DPP10: variants seen among roughly 807,000 people sequenced by gnomAD.
DPP10 encodes the protein inactive dipeptidyl peptidase 10.
A neutral mutation model predicts 120.9 loss-of-function variants in DPP10; 33 were observed. The ratio of observed to expected loss-of-function variants is 0.27; its 90% CI spans 0.21 to 0.37. The LOEUF is 0.37. Among genes scored for constraint, DPP10 ranks in the 10% least tolerant of loss-of-function variants. The pLI is 1.00. For missense variants in DPP10, 816 were observed against 942.8 expected (o/e 0.87, Z 1.76); for synonymous variants, 337 against 326.1 (o/e 1.03, Z -0.36).
chr2:114,575,899 C>G (rs1164299349), intron 1 of DPP10, among the ~76,000 whole-genome samples: 1 of 152,112 alleles, frequency 6.6e-6, no homozygotes, highest in Non-Finnish European at 1.5e-5. Context: ...ATTCTGCCTC[C>G]AGACAATAAA....
chr2:115,656,133 A>AACACACACACACACAC (rs146572509), intron 5 of DPP10, among the ~76,000 whole-genome samples: 5 of 143,322 alleles, frequency 3.5e-5, no homozygotes, highest in African/African-American at 1.3e-4. Flanking sequence ...GTTCTTACCA[A>AACACACACACACACAC]ACACACACAC....
chr2:115,430,404 C>T (rs1479471554), intron 3 of DPP10, among the ~76,000 whole-genome samples: 1 of 151,934 alleles, frequency 6.6e-6, no homozygotes, highest in Non-Finnish European at 1.5e-5. Context: ...AACATAAAAA[C>T]AAGTTTATCT....
chr2:115,639,425 C>T (rs1235618461), intron 5 of DPP10, among the ~76,000 whole-genome samples: 1 of 152,082 alleles, frequency 6.6e-6, no homozygotes, highest in African/African-American at 2.4e-5. Flanking sequence ...AAGCAGTCTG[C>T]AAACTAGGAA....
intron 3 of DPP10, among the ~76,000 whole-genome samples, chr2:115,419,315 G>A (rs1432441170): frequency 6.6e-6 from 1 of 152,250 alleles, no homozygotes; most frequent in East Asian, 1.9e-4. Flanking sequence ...TCCGCAGACT[G>A]TACAAGAAGC....
At chr2:115,006,970 A>T (rs544685210) in intron 1 of DPP10, among the ~76,000 whole-genome samples, 3 of 152,260 alleles carry the variant, frequency 2.0e-5, no homozygotes, top group Admixed American at 2.0e-4. Flanking sequence ...ACTTGGAAGT[A>T]AAGCTCTCCT....
At chr2:114,952,526 G>C (rs1400087484) in intron 1 of DPP10, among the ~76,000 whole-genome samples, 1 of 152,062 alleles carries the variant, frequency 6.6e-6, no homozygotes, top group Non-Finnish European at 1.5e-5. Context: ...TAACTTCTCT[G>C]GTCTTTTCTA....
intron 1 of DPP10, among the ~76,000 whole-genome samples, chr2:115,080,439 C>T (rs1010681038): frequency 3.3e-5 from 5 of 152,174 alleles, no homozygotes; most frequent in Admixed American, 6.5e-5. Flanking sequence ...TGGAAGTTAA[C>T]TCAAGTTAGA....
At chr2:115,314,774 C>T (rs969403944) in intron 2 of DPP10, among the ~76,000 whole-genome samples, 1 of 152,090 alleles carries the variant, frequency 6.6e-6, no homozygotes, top group Non-Finnish European at 1.5e-5. Flanking sequence ...ATCCATGAAG[C>T]TATGCTCAAT....
chr2:115,335,502 G>A (rs2063071245), intron 2 of DPP10, among the ~76,000 whole-genome samples: 1 of 151,740 alleles, frequency 6.6e-6, no homozygotes, highest in African/African-American at 2.4e-5. Flanking sequence ...GCTGCCTAAA[G>A]TTTCAGCATC....
intron 1 of DPP10, among the ~76,000 whole-genome samples, chr2:115,106,847 G>A (rs566527334): frequency 1.1e-4 from 16 of 152,144 alleles, no homozygotes; most frequent in South Asian, 8.3e-4. Context: ...AGGCCGAGGC[G>A]GGTGGATCAT....
At chr2:115,128,160 T>C (rs914220485) in intron 1 of DPP10, among the ~76,000 whole-genome samples, 1 of 152,202 alleles carries the variant, frequency 6.6e-6, no homozygotes, top group African/African-American at 2.4e-5. Context: ...CCCAAATTGA[T>C]TTTTACTCAA....
At chr2:114,518,347 G>C (rs1684778194) in intron 1 of DPP10, among the ~76,000 whole-genome samples, 1 of 152,054 alleles carries the variant, frequency 6.6e-6, no homozygotes, top group Admixed American at 6.6e-5. Flanking sequence ...CAACGTGCTA[G>C]GATTACAGGC....
chr2:115,576,823 C>T (rs1268348841), intron 5 of DPP10, among the ~76,000 whole-genome samples: 4 of 152,190 alleles, frequency 2.6e-5, no homozygotes, highest in Admixed American at 2.6e-4. Flanking sequence ...CAACAGTGGG[C>T]AGTACATAAT....
chr2:115,161,791 C>A, intron 1 of DPP10: 1 of 637,556 alleles, frequency 1.6e-6, no homozygotes, highest in Non-Finnish European at 2.3e-6. Flanking sequence ...GGGGAGCCCG[C>A]CCGGTGCCGC....
At chr2:115,245,814 A>G (rs1272550122) in intron 1 of DPP10, among the ~76,000 whole-genome samples, 4 of 152,180 alleles carry the variant, frequency 2.6e-5, no homozygotes, top group African/African-American at 4.8e-5. Context: ...AATAAAATTA[A>G]TGATTAATGA....
chr2:115,098,113 A>G (rs1348135336), intron 1 of DPP10, among the ~76,000 whole-genome samples: 1 of 152,142 alleles, frequency 6.6e-6, no homozygotes, highest in East Asian at 1.9e-4. Flanking sequence ...ATGTCCCCAT[A>G]TCAGTCAGCC....
At chr2:115,197,344 A>C (rs986550923) in intron 1 of DPP10, among the ~76,000 whole-genome samples, 1 of 151,642 alleles carries the variant, frequency 6.6e-6, no homozygotes, top group Admixed American at 6.6e-5. Flanking sequence ...GTGAGCCGAG[A>C]TCATGCCACT....
At chr2:114,477,921 A>ACATATGTACATATGTG (rs1680632598) in intron 1 of DPP10, among the ~76,000 whole-genome samples, 3 of 139,020 alleles carry the variant, frequency 2.2e-5, no homozygotes, top group African/African-American at 7.5e-5. Flanking sequence ...ATATATGTGT[A>ACATATGTACATATGTG]TATATGTACA....
intron 21 of DPP10, 133 bp from the exon 22 acceptor site, chr2:115,836,024 G>A (rs1446761584): frequency 9.4e-6 from 4 of 426,230 alleles, no homozygotes; most frequent in African/African-American, 4.1e-5. Context: ...CTGATATGAT[G>A]TACAGTACCA....
Sources: gnomAD v4.1 joint callset for allele counts (sites outside exome capture counted in the v4.1 genomes callset) on GRCh38, gnomAD v4.1.1 for gene constraint, MANE v1.5 for transcripts, NCBI Gene and HGNC (gene_info 2026-07-23, HGNC 2026-07-21) for gene names.